The following LAMA1 variants were observed in gnomAD, a reference collection of about 807,000 sequenced individuals.
LAMA1 encodes the protein laminin subunit alpha 1.
LAMA1 carries 219 observed loss-of-function variants against 348.7 expected under a neutral mutation model. That is an observed-to-expected ratio of 0.63 (90% CI 0.56 to 0.70). The LOEUF is 0.70. LAMA1 is among the 30% of genes least tolerant of loss of function. The pLI, the probability that LAMA1 is intolerant of heterozygous loss-of-function variation, is 0.00. For missense variants in LAMA1, 3,744 were observed against 3,888.0 expected, an observed-to-expected ratio of 0.96 and a Z score of 0.99; for synonymous variants, 1,487 against 1,491.0, an observed-to-expected ratio of 1.00 and a Z score of 0.06.
In LAMA1 at chr18:7,011,357, C is replaced by T; in HGVS notation, c.3630G>A (p.Gln1210=). Residue 1210 remains glutamine, a synonymous_variant, in exon 25 of 63, where the codon CAG becomes CAA. Coordinates refer to ENST00000389658, the MANE Select transcript of LAMA1 (RefSeq NM_005559.4). ...DFLLDAATVR[Q]HIRAEPFYWR... is the part of the protein sequence containing the mutation. ...AGTAAAACGGCTCTGCACGGATGTG[C>T]TGCCGGACGGTGGCGGCATCCAGCA... 1 of 1,612,346 alleles carries T rather than the reference C, an allele frequency of 6.2e-7. No homozygotes were observed. Among genetic ancestry groups the T allele is most frequent in the Non-Finnish European group, 8.5e-7 (1 of 1,179,492 alleles).
chr18:7,091,973 T>C (rs1349669567), intron 1 of LAMA1, among the ~76,000 whole-genome samples: 1 of 152,188 alleles, frequency 6.6e-6, no homozygotes, highest in African/African-American at 2.4e-5. Context: ...CCAGTACATA[T>C]CTAAAGGGTC....
chr18:7,055,318 T>A (rs554021993), intron 3 of LAMA1, among the ~76,000 whole-genome samples: 1 of 151,962 alleles, frequency 6.6e-6, no homozygotes, highest in East Asian at 1.9e-4. Flanking sequence ...CTGGGTGTAG[T>A]GGCACATGCC....
chr18:6,985,704 G>A (rs1249407404), intron 37 of LAMA1, 61 bp from the exon 38 acceptor site: 1 of 1,013,060 alleles, frequency 9.9e-7, no homozygotes, highest in Non-Finnish European at 1.6e-6. Flanking sequence ...CTGACCTTTG[G>A]TGCCTAATGC....
chr18:6,976,967 A>C (rs1048283861), intron 44 of LAMA1, among the ~76,000 whole-genome samples: 1 of 152,206 alleles, frequency 6.6e-6, no homozygotes, highest in African/African-American at 2.4e-5. Flanking sequence ...ATGGAAACCA[A>C]CATTCCTTTT....
intron 29 of LAMA1, among the ~76,000 whole-genome samples, chr18:7,004,128 G>A (rs2057821095): frequency 6.6e-6 from 1 of 152,192 alleles, no homozygotes; most frequent in Non-Finnish European, 1.5e-5. Context: ...GCTGCCCCAA[G>A]AGTGGCAGGG....
At chr18:7,008,764 G>C (rs935325089) in intron 27 of LAMA1, among the ~76,000 whole-genome samples, 156 bp from the exon 28 acceptor site, 1 of 152,146 alleles carries the variant, frequency 6.6e-6, no homozygotes, top group African/African-American at 2.4e-5. Context: ...GTGTGTTAAA[G>C]CACATTACTA....
chr18:7,043,202 A>T (rs771592851), intron 8 of LAMA1, 25 bp downstream of exon 8: 2 of 1,612,336 alleles, frequency 1.2e-6, no homozygotes, highest in African/African-American at 2.7e-5. Flanking sequence ...GATGAAGATC[A>T]GCAATGGCAA....
chr18:7,014,029 C>T lies in LAMA1; in HGVS notation c.3149G>A (p.Gly1050Glu), dbSNP rs777730403. The T allele has an allele frequency of 6.2e-7, 1 of 1,613,882 alleles. No individual in the cohort carries two copies. Residue 1050 changes from glycine to glutamate, a missense_variant, in exon 23 of 63, where the codon GGG becomes GAG. Gly to Glu is a moderately conservative substitution (Grantham distance 98, BLOSUM62 -2). Transcript: ENST00000389658. ...CACATCGCACCGATGATGAGTCGAC[C>T]CCACGAGACTGCAATTGCAGGCCTG... The part of the protein sequence containing the change: ...GCQACNCSLV[G>E]STHHRCDVVT...
chr18:7,101,061 A>C (rs767041073), intron 1 of LAMA1, among the ~76,000 whole-genome samples: 1 of 152,184 alleles, frequency 6.6e-6, no homozygotes, highest in Non-Finnish European at 1.5e-5. Context: ...CTCCATGTAT[A>C]TGAAATTTCC....
chr18:7,020,902 A>G (rs608532), intron 19 of LAMA1, among the ~76,000 whole-genome samples: 75,704 of 151,792 alleles, frequency 0.5, 21,450 homozygotes, highest in African/African-American at 0.78. Context: ...ACCCTGGCCC[A>G]CTCCATGTCT....
At chr18:7,073,859 G>A (rs1390910927) in intron 3 of LAMA1, among the ~76,000 whole-genome samples, 1 of 63,770 alleles carries the variant, frequency 1.6e-5, no homozygotes, top group African/African-American at 4.6e-5. Flanking sequence ...TTTATGAGAA[G>A]GAGTCTTGCT....
At chr18:7,070,337 T>C (rs974428723) in intron 3 of LAMA1, among the ~76,000 whole-genome samples, 4 of 152,232 alleles carry the variant, frequency 2.6e-5, no homozygotes, top group Admixed American at 6.5e-5. Flanking sequence ...GGTTTCTGCC[T>C]AATCTCTTTC....
intron 29 of LAMA1, among the ~76,000 whole-genome samples, chr18:7,004,612 A>G (rs944737939): frequency 6.6e-6 from 1 of 152,170 alleles, no homozygotes; most frequent in Admixed American, 6.5e-5. Context: ...TTGGCCTCCC[A>G]AAGTGTTGGT....
chr18:7,083,441 C>T (rs1568060709), intron 1 of LAMA1, among the ~76,000 whole-genome samples: 1 of 151,956 alleles, frequency 6.6e-6, no homozygotes, highest in Admixed American at 6.6e-5. Context: ...TCGTCTCGGC[C>T]TCCCAAAGTG....
rs1244935737 is a variant in LAMA1 at position 7,080,862 on chromosome 18, T to C, written c.62-405A>G. Among the ~76,000 whole-genome samples, 5 of 151,982 alleles carry C rather than the reference T, an allele frequency of 3.3e-5. No individual in the cohort carries two copies. The East Asian group carries it at 9.7e-4, about 29-fold the overall frequency. Reference sequence around the variant, plus strand: ...ACGTTCTACCTCAAAAATAAATAAATAAATAAAAGAATCATAAATACCAAT... The same window carrying C: ...ACGTTCTACCTCAAAAATAAATAAACAAATAAAAGAATCATAAATACCAAT... On this transcript the variant is annotated intron_variant, in intron 1 of 62. Coordinates refer to ENST00000389658, the MANE Select transcript of LAMA1 (RefSeq NM_005559.4).
At position 7,050,785 on chromosome 18, in the gene LAMA1, G is replaced by A. The variant is rs1248540066; in HGVS notation, c.497C>T (p.Thr166Ile). 1.2e-6 allele frequency: 2 copies of A among 1,614,162 alleles called. No individual in the cohort carries two copies. Among genetic ancestry groups the A allele is most frequent in the Non-Finnish European group, 1.7e-6 (2 of 1,180,028 alleles). ...GTAGGTGGGTGGCCCTCGTCTTGGA[G>A]TTATATTGTAACGAGACAAACACTC... ...DSECLSRYNI[T>I]PRRGPPTYRA... Residue 166 changes from threonine (T) to isoleucine (I), a missense_variant, in exon 4 of 63, where the codon ACT becomes ATT. By Grantham distance (89) the Thr-to-Ile change is moderately conservative. Around this residue, in one of 3 missense-constraint regions of LAMA1, gnomAD observed 1,529 missense variants for 1,689.4 expected, o/e 0.91. Transcript: ENST00000389658.
chr18:7,026,253 C>T (rs913730934), intron 16 of LAMA1, 147 bp from the exon 17 acceptor site: 2 of 876,130 alleles, frequency 2.3e-6, no homozygotes, highest in African/African-American at 3.4e-5. Flanking sequence ...GGAAGGCCTC[C>T]TGTTTTCAGA....
intron 1 of LAMA1, among the ~76,000 whole-genome samples, chr18:7,099,846 C>T (rs1459421498): frequency 2.0e-5 from 3 of 151,872 alleles, no homozygotes; most frequent in South Asian, 2.1e-4. Context: ...ATCATGAGGT[C>T]AGGAGATTGA....
intron 12 of LAMA1, among the ~76,000 whole-genome samples, chr18:7,036,576 G>A (rs1206321930): frequency 6.6e-6 from 1 of 151,996 alleles, no homozygotes; most frequent in Non-Finnish European, 1.5e-5. Flanking sequence ...TCTTTCTGAT[G>A]GGTATATGAC....
Sources: allele counts gnomAD v4.1 joint callset (sites outside exome capture counted in the v4.1 genomes callset), GRCh38; gene constraint gnomAD v4.1.1; regional missense constraint gnomAD v4.1.1; transcripts MANE v1.5; gene names NCBI Gene and HGNC (gene_info 2026-07-23, HGNC 2026-07-21).